The following VWDE variants were observed in gnomAD, a reference collection of about 807,000 sequenced individuals.
The protein encoded by VWDE is von Willebrand factor D and EGF domains.
A neutral mutation model predicts 178.4 loss-of-function variants in VWDE; 207 were observed. The ratio of observed to expected loss-of-function variants is 1.16; its 90% CI spans 1.04 to 1.30. The LOEUF is 1.30. VWDE is among the 50% of genes most tolerant of loss of function. VWDE has a pLI of 0.00. For missense variants in VWDE, 2,287 were observed against 1,901.3 expected (o/e 1.20, Z -3.77); for synonymous variants, 738 against 651.4 (o/e 1.13, Z -2.02).
At chr7:12,344,614 A>G (rs550430548) in intron 19 of VWDE, 145 bp from the exon 20 acceptor site, 4 of 640,294 alleles carry the variant, frequency 6.2e-6, no homozygotes. Flanking sequence ...GAACGTAAGA[A>G]TACTCCAACA....
chr7:12,389,019 G>T, intron 3 of VWDE, 108 bp downstream of exon 3: 1 of 842,676 alleles, frequency 1.2e-6, no homozygotes, highest in South Asian at 1.4e-5. Context: ...ATGGTAGACT[G>T]AGTATCTTAC....
intron 10 of VWDE, 21 bp from the exon 11 acceptor site, chr7:12,370,885 C>T: frequency 6.7e-7 from 1 of 1,482,468 alleles, no homozygotes; most frequent in South Asian, 1.4e-5. Flanking sequence ...GAAATAAATA[C>T]AGAAATAAAA....
chr7:12,345,164 A>G (rs549291335), intron 19 of VWDE, among the ~76,000 whole-genome samples: 88 of 152,162 alleles, frequency 5.8e-4, no homozygotes, highest in African/African-American at 2.1e-3. Context: ...ATATAGTTGT[A>G]ATACTCTATA....
At position 12,336,189 on chromosome 7, in the gene VWDE, T is replaced by C; in HGVS notation, c.4606A>G (p.Ser1536Gly). 1.3e-6 allele frequency: 2 copies of C among 1,551,508 alleles called. No homozygotes were observed. The highest frequency in any genetic ancestry group is 8.7e-7 in the Non-Finnish European group (1 of 1,146,900). Residue 1536 changes from serine (S) to glycine (G), a missense_variant, in exon 27 of 29, where the codon AGC (serine) becomes GGC (glycine). Ser to Gly is a moderately conservative substitution (Grantham distance 56). Coordinates refer to ENST00000275358, the MANE Select transcript of VWDE (RefSeq NM_001135924.3). ...CAGGAGGAAGGACAATGGCATATGC[T>C]GGGCGCAATGCATTCACCACCGTTT... Reference protein sequence around the residue: ...CKNGGECIAPSICHCPSSWEG... With the variant: ...CKNGGECIAPGICHCPSSWEG...
chr7:12,372,863 G>C (rs1219879026), intron 10 of VWDE, 114 bp downstream of exon 10: 4 of 987,756 alleles, frequency 4.0e-6, no homozygotes, highest in Admixed American at 5.6e-5. Flanking sequence ...TAATATAAAT[G>C]CTATTTTCTT....
intron 4 of VWDE, among the ~76,000 whole-genome samples, chr7:12,383,314 T>C (rs534940321): frequency 1.3e-5 from 2 of 152,224 alleles, no homozygotes; most frequent in African/African-American, 4.8e-5. Context: ...TTATGAAAGA[T>C]TCTACTAATA....
At position 12,351,578 on chromosome 7, in the gene VWDE, G is replaced by T; in HGVS notation, c.3881C>A (p.Ala1294Asp). The part of the protein sequence containing the change: ...KRHVKPTSGN[A>D]FTICKYPCGK... ...TAACTATGACCATTACTTACTGAAG[G>T]CATTTCCACTTGTTGGCTTAACATG... Residue 1294 changes from alanine to aspartate, a missense_variant, in exon 19 of 29, where the codon GCC becomes GAC. Physicochemically the swap from Ala to Asp is moderately radical, Grantham distance 126. Transcript: ENST00000275358. 6.5e-7 allele frequency: 1 copy of T among 1,546,524 alleles called. No individual in the cohort carries two copies. Among genetic ancestry groups the T allele is most frequent in the Non-Finnish European group, 8.7e-7 (1 of 1,145,106 alleles).
At position 12,373,267 on chromosome 7, in the gene VWDE, A is replaced by G. The variant is rs753939793; in HGVS notation, c.1317-20T>C. On this transcript the variant is annotated intron_variant, in intron 9 of 28. Coordinates refer to ENST00000275358, the MANE Select transcript of VWDE (RefSeq NM_001135924.3). Reference sequence around the variant, plus strand: ...TATACCCTATCATTAACAAAAGGCAATTGCATTAAAAAATCGTGTAAAATA... The same window carrying G: ...TATACCCTATCATTAACAAAAGGCAGTTGCATTAAAAAATCGTGTAAAATA... The G allele has an allele frequency of 7.1e-6, 11 of 1,546,142 alleles. No homozygotes were observed. The South Asian group carries it at 1.3e-4, about 19-fold the overall frequency.
chr7:12,373,171 G>T lies in VWDE; in HGVS notation c.1393C>A (p.Gln465Lys). 6.4e-7 allele frequency: 1 copy of T among 1,551,336 alleles called. No individual in the cohort carries two copies. The highest frequency in any genetic ancestry group is 8.7e-7 in the Non-Finnish European group (1 of 1,146,766). ...MSRDFEVHVR[Q>K]WDCRSLHYPV... Reference sequence around the variant, plus strand: ...TAGTGAAGGCTTCTGCAGTCCCACTGACGTACATGGACTTCAAAATCACGT... The same window carrying T: ...TAGTGAAGGCTTCTGCAGTCCCACTTACGTACATGGACTTCAAAATCACGT... Residue 465 changes from glutamine to lysine, a missense_variant, in exon 10 of 29, where the codon CAG becomes AAG. Transcript: ENST00000275358.
At chr7:12,371,252 G>A (rs1583318643) in intron 10 of VWDE, among the ~76,000 whole-genome samples, 1 of 152,234 alleles carries the variant, frequency 6.6e-6, no homozygotes, top group African/African-American at 2.4e-5. Context: ...AATTTACACA[G>A]ATGAATATAA....
At position 12,337,093 on chromosome 7, in the gene VWDE, A is replaced by G; in HGVS notation, c.4463-10T>C. 6.4e-7 allele frequency: 1 copy of G among 1,551,558 alleles called. No homozygotes were observed. The highest frequency in any genetic ancestry group is 8.7e-7 in the Non-Finnish European group (1 of 1,146,888). ...GTAGGATCACAGATGCCTTAAGGTA[A>G]AAGCATGAAAAGTCAGCCCTTAAAT... is the stretch of plus-strand genomic sequence containing the variant. On this transcript the variant is annotated splice_polypyrimidine_tract_variant and intron_variant, in intron 25 of 28. Coordinates refer to ENST00000275358, the MANE Select transcript of VWDE (RefSeq NM_001135924.3).
intron 2 of VWDE, among the ~76,000 whole-genome samples, chr7:12,392,940 T>C (rs1398433841): frequency 6.6e-6 from 1 of 152,078 alleles, no homozygotes; most frequent in Non-Finnish European, 1.5e-5. Flanking sequence ...GTATGCTGGC[T>C]GCACAAATTT....
chr7:12,349,853 AG>A (rs1428823658), intron 19 of VWDE, among the ~76,000 whole-genome samples: 12 of 152,124 alleles, frequency 7.9e-5, no homozygotes, highest in Admixed American at 5.2e-4. Context: ...ATACATAAGA[AG>A]ACAATTTTAA....
intron 19 of VWDE, among the ~76,000 whole-genome samples, chr7:12,346,028 T>G (rs1781579003): frequency 6.6e-6 from 1 of 152,126 alleles, no homozygotes; most frequent in African/African-American, 2.4e-5. Flanking sequence ...ACCTGAAATA[T>G]TTTACATTAA....
intron 17 of VWDE, among the ~76,000 whole-genome samples, chr7:12,356,826 A>T (rs1037140667): frequency 6.6e-6 from 1 of 152,240 alleles, no homozygotes; most frequent in Non-Finnish European, 1.5e-5. Flanking sequence ...GACTGACATA[A>T]TCAAAAGAAA....
chr7:12,371,613 A>G (rs2128555997), intron 10 of VWDE, among the ~76,000 whole-genome samples: 1 of 152,262 alleles, frequency 6.6e-6, no homozygotes, highest in Middle Eastern at 3.4e-3. Flanking sequence ...CTTTTTACAA[A>G]AATGGTCTGT....
chr7:12,360,649 A>C (rs551695424), intron 15 of VWDE, among the ~76,000 whole-genome samples: 33 of 152,300 alleles, frequency 2.2e-4, no homozygotes, highest in African/African-American at 7.0e-4. Flanking sequence ...TAGACTAAGA[A>C]GAAGTTGTGA....
At position 12,361,238 on chromosome 7, in the gene VWDE, C is replaced by A. The variant is rs1280727779; in HGVS notation, c.3068G>T (p.Gly1023Val). Residue 1023 changes from glycine (G) to valine (V), a missense_variant, in exon 15 of 29, where the codon GGT becomes GTT. Physicochemically the swap from Gly to Val is moderately radical, Grantham distance 109 (BLOSUM62 -3). Transcript: ENST00000275358. ...GKWQLKVSND[G>V]YKFSNPKITV... The stretch of plus-strand genomic sequence containing the variant: ...TATTTTGGGATTACTGAATTTATAA[C>A]CATCATTAGATACCTGTAACATAAT... The A allele has an allele frequency of 1.3e-6, 2 of 1,546,562 alleles. No individual in the cohort carries two copies.
At chr7:12,334,302 T>C (rs1780892276) in intron 27 of VWDE, among the ~76,000 whole-genome samples, 1 of 152,200 alleles carries the variant, frequency 6.6e-6, no homozygotes, top group Admixed American at 6.5e-5. Flanking sequence ...ACAACATAAA[T>C]TCTTTCAAAC....
Sources: gnomAD v4.1 joint callset for allele counts (sites outside exome capture counted in the v4.1 genomes callset) on GRCh38, gnomAD v4.1.1 for gene constraint, MANE v1.5 for transcripts, NCBI Gene and HGNC (gene_info 2026-07-23, HGNC 2026-07-21) for gene names.